UTRN: variants seen among roughly 807,000 people sequenced by gnomAD.
UTRN encodes the protein utrophin.
In UTRN, 283 loss-of-function variants were observed where a neutral mutation model predicts 463.9. That is an observed-to-expected ratio of 0.61 (90% CI 0.55 to 0.67). The LOEUF is 0.67. Among genes scored for constraint, UTRN ranks in the 30% least tolerant of loss-of-function variants. The pLI, the probability that UTRN is intolerant of heterozygous loss-of-function variation, is 0.00. For synonymous variants in UTRN, 1,442 were observed against 1,431.5 expected (o/e 1.01, Z -0.17); for missense variants, 3,922 against 4,084.3 (o/e 0.96, Z 1.08).
At chr6:144,666,260 A>T (rs1032266378) in intron 51 of UTRN, among the ~76,000 whole-genome samples, 1 of 152,224 alleles carries the variant, frequency 6.6e-6, no homozygotes, top group Non-Finnish European at 1.5e-5. Flanking sequence ...ATGATTCATT[A>T]ACTGCATTTA....
intron 52 of UTRN, among the ~76,000 whole-genome samples, chr6:144,692,539 A>G (rs1783538504): frequency 6.6e-6 from 1 of 151,920 alleles, no homozygotes; most frequent in East Asian, 1.9e-4. Context: ...TTTCTCCTCA[A>G]CCTTGTCAGC....
At chr6:144,669,673 G>A (rs1780792380) in intron 51 of UTRN, among the ~76,000 whole-genome samples, 2 of 151,898 alleles carry the variant, frequency 1.3e-5, no homozygotes, top group Admixed American at 1.3e-4. Context: ...TGAGATTTTG[G>A]TGCACCCATC....
intron 2 of UTRN, among the ~76,000 whole-genome samples, chr6:144,387,743 A>G (rs1009589273): frequency 1.4e-4 from 21 of 152,210 alleles, no homozygotes; most frequent in South Asian, 2.1e-4. Flanking sequence ...TTAGGAGCTT[A>G]GCTCCCGATA....
At chr6:144,729,174 A>T (rs1045679492) in intron 53 of UTRN, among the ~76,000 whole-genome samples, 9 of 151,980 alleles carry the variant, frequency 5.9e-5, no homozygotes, top group African/African-American at 2.2e-4. Flanking sequence ...CTATCATGAG[A>T]TTTTCTGGAT....
intron 3 of UTRN, among the ~76,000 whole-genome samples, 153 bp from the exon 4 acceptor site, chr6:144,421,724 TA>T (rs889496037): frequency 6.7e-6 from 1 of 150,296 alleles, no homozygotes; most frequent in Non-Finnish European, 1.5e-5. Context: ...AATAAATAAA[TA>T]AAAACCCCCA....
intron 51 of UTRN, among the ~76,000 whole-genome samples, chr6:144,666,859 A>C (rs1049981489): frequency 1.3e-5 from 2 of 152,100 alleles, no homozygotes; most frequent in African/African-American, 4.8e-5. Flanking sequence ...TTTCATTCCC[A>C]TTCGTCGTGG....
intron 3 of UTRN, among the ~76,000 whole-genome samples, chr6:144,411,749 A>G (rs1694244667): frequency 6.6e-6 from 1 of 152,002 alleles, no homozygotes; most frequent in Non-Finnish European, 1.5e-5. Flanking sequence ...AATGAGGCAT[A>G]CTCTGTGATG....
At chr6:144,477,495 TACC>T (rs1791341419) in intron 25 of UTRN, among the ~76,000 whole-genome samples, 2 of 151,860 alleles carry the variant, frequency 1.3e-5, no homozygotes, top group Admixed American at 1.3e-4. Flanking sequence ...GCTAATGTTT[TACC>T]ACATTTGCTT....
chr6:144,384,968 G>C (rs1265564598), intron 2 of UTRN, among the ~76,000 whole-genome samples: 1 of 151,986 alleles, frequency 6.6e-6, no homozygotes, highest in Non-Finnish European at 1.5e-5. Context: ...CATAACCCTA[G>C]GTAATGGTAG....
At chr6:144,697,875 A>G (rs1416623061) in intron 52 of UTRN, among the ~76,000 whole-genome samples, 1 of 152,226 alleles carries the variant, frequency 6.6e-6, no homozygotes, top group African/African-American at 2.4e-5. Flanking sequence ...AAGTGTTTGC[A>G]ACTCAATTTC....
At chr6:144,546,962 T>A (rs1798471694) in intron 46 of UTRN, among the ~76,000 whole-genome samples, 1 of 152,284 alleles carries the variant, frequency 6.6e-6, no homozygotes, top group Non-Finnish European at 1.5e-5. Flanking sequence ...CTTCTGCATT[T>A]GGTCTCTTGT....
chr6:144,833,063 G>A (rs576553092), intron 69 of UTRN, among the ~76,000 whole-genome samples: 27 of 152,184 alleles, frequency 1.8e-4, no homozygotes, highest in Admixed American at 5.2e-4. Flanking sequence ...CAAGTGATCT[G>A]CCCATCTCGA....
intron 2 of UTRN, among the ~76,000 whole-genome samples, chr6:144,293,528 A>AT (rs1804429561): frequency 2.0e-5 from 3 of 152,162 alleles, no homozygotes; most frequent in Admixed American, 2.0e-4. Flanking sequence ...TAACTGAGTA[A>AT]TTCTGTTTCT....
chr6:144,593,792 C>T (rs1306851068), intron 51 of UTRN, among the ~76,000 whole-genome samples: 1 of 152,122 alleles, frequency 6.6e-6, no homozygotes, highest in African/African-American at 2.4e-5. Flanking sequence ...AAAAGTTGCC[C>T]TTTTGATTGC....
At chr6:144,768,947 TGTTTTGTTTTG>T (rs1793665061) in intron 58 of UTRN, among the ~76,000 whole-genome samples, 7 of 127,796 alleles carry the variant, frequency 5.5e-5, no homozygotes, top group East Asian at 4.1e-4. Flanking sequence ...CTTTGTTTTT[TGTTTTGTTTTG>T]TTTTTTTTTT....
At chr6:144,308,966 C>T (rs73586980) in intron 2 of UTRN, among the ~76,000 whole-genome samples, 2,708 of 152,248 alleles carry the variant, frequency 0.018, 86 homozygotes, top group African/African-American at 0.062. Flanking sequence ...TCAAATCAGG[C>T]AGACCCCCTA....
chr6:144,444,615 G>T (rs913684292), intron 14 of UTRN, among the ~76,000 whole-genome samples: 2 of 152,120 alleles, frequency 1.3e-5, no homozygotes, highest in African/African-American at 4.8e-5. Context: ...TGGAATGTTA[G>T]TACTTAGAAG....
intron 50 of UTRN, among the ~76,000 whole-genome samples, chr6:144,561,609 T>G (rs1219873448): frequency 6.6e-6 from 1 of 152,122 alleles, no homozygotes. Flanking sequence ...CAGAAAGCAC[T>G]GAGTGTAAGG....
chr6:144,454,397 C>A (rs1336462811), intron 19 of UTRN, among the ~76,000 whole-genome samples: 1 of 151,662 alleles, frequency 6.6e-6, no homozygotes, highest in African/African-American at 2.4e-5. Flanking sequence ...GCTGTAGCTC[C>A]CAGTGACTCA....
Sources: allele counts gnomAD v4.1 joint callset (sites outside exome capture counted in the v4.1 genomes callset), GRCh38; gene constraint gnomAD v4.1.1; transcripts MANE v1.5; gene names NCBI Gene and HGNC (gene_info 2026-07-23, HGNC 2026-07-21).